Variants in NAA11 observed in about 807,000 individuals in gnomAD.
NAA11 encodes the protein N-alpha-acetyltransferase 11.
Under a neutral mutation model 16.1 loss-of-function variants are expected in NAA11, and 15 were observed. That is an observed-to-expected ratio of 0.93 (90% confidence interval 0.62 to 1.44). The LOEUF (loss-of-function observed/expected upper bound fraction) is 1.44, where lower values mean the gene tolerates loss of function less well. Among genes scored for constraint, NAA11 ranks in the 40% most tolerant of loss-of-function variants. NAA11 has a pLI of 0.00. For synonymous variants in NAA11, 122 were observed against 112.4 expected, an observed-to-expected ratio of 1.09 and a Z score of -0.54; for missense variants, 298 against 291.3, an observed-to-expected ratio of 1.02 and a Z score of -0.17.
intron 2 of NAA11, among the ~76,000 whole-genome samples, chr4:79,271,577 A>G (rs1412734491): frequency 6.6e-6 from 1 of 152,052 alleles, no homozygotes; most frequent in African/African-American, 2.4e-5. Flanking sequence ...AGGGGAAATA[A>G]TTCTTTTCAA....
chr4:79,188,382 G>A, the NAA11 span, among the ~76,000 whole-genome samples: 1 of 151,940 alleles, frequency 6.6e-6, no homozygotes, highest in Non-Finnish European at 1.5e-5. Flanking sequence ...TCGGGAGATC[G>A]AGACCATCCT....
the NAA11 span, among the ~76,000 whole-genome samples, chr4:79,196,955 C>CTAAAAAAA: frequency 1.2e-5 from 1 of 86,168 alleles, no homozygotes; most frequent in Non-Finnish European, 2.1e-5. Context: ...ATGAAAAAGA[C>CTAAAAAAA]AAAAAAAAAA....
the NAA11 span, among the ~76,000 whole-genome samples, chr4:79,181,653 A>G: frequency 6.6e-6 from 1 of 152,156 alleles, no homozygotes; most frequent in African/African-American, 2.4e-5. Flanking sequence ...TTAGTCTCTG[A>G]CCTTGTGCTG....
At chr4:79,321,149 C>T (rs1026039534) in intron 1 of NAA11, among the ~76,000 whole-genome samples, 1 of 152,332 alleles carries the variant, frequency 6.6e-6, no homozygotes, top group East Asian at 1.9e-4. Context: ...TGTAGACAAC[C>T]TCAGACAGCC....
the NAA11 span, among the ~76,000 whole-genome samples, chr4:79,200,832 G>GT: frequency 6.6e-6 from 1 of 151,392 alleles, no homozygotes; most frequent in Non-Finnish European, 1.5e-5. Context: ...ATGTTTCTGG[G>GT]TTTTTTTCCT....
chr4:79,290,194 C>T (rs1723047989), intron 2 of NAA11, among the ~76,000 whole-genome samples: 1 of 152,094 alleles, frequency 6.6e-6, no homozygotes, highest in Non-Finnish European at 1.5e-5. Context: ...AACCAGGAGC[C>T]TCTCTAGTGG....
At chr4:79,201,776 A>G in the NAA11 span, among the ~76,000 whole-genome samples, 2 of 151,800 alleles carry the variant, frequency 1.3e-5, no homozygotes, top group South Asian at 2.1e-4. Flanking sequence ...TACATAAAAT[A>G]AATAATGAAT....
chr4:79,190,702 G>T, the NAA11 span, among the ~76,000 whole-genome samples: 1 of 152,026 alleles, frequency 6.6e-6, no homozygotes, highest in Admixed American at 6.6e-5. Context: ...GAGGGTACAT[G>T]TGAAGATTTG....
At chr4:79,173,316 G>A in the NAA11 span, among the ~76,000 whole-genome samples, 1 of 152,078 alleles carries the variant, frequency 6.6e-6, no homozygotes, top group East Asian at 1.9e-4. Context: ...TTCTATATGA[G>A]CTAATAAAAG....
At chr4:79,178,596 C>A in the NAA11 span, among the ~76,000 whole-genome samples, 1 of 152,170 alleles carries the variant, frequency 6.6e-6, no homozygotes, top group African/African-American at 2.4e-5. Flanking sequence ...CTATGAATAT[C>A]ATTTTATATA....
At chr4:79,290,958 CAAG>C (rs1193996570) in intron 2 of NAA11, among the ~76,000 whole-genome samples, 1 of 151,724 alleles carries the variant, frequency 6.6e-6, no homozygotes. Context: ...TGTGGAAGTA[CAAG>C]AATACTGACA....
intron 1 of NAA11, among the ~76,000 whole-genome samples, chr4:79,320,406 T>C (rs1296852748): frequency 6.6e-6 from 1 of 152,224 alleles, no homozygotes; most frequent in African/African-American, 2.4e-5. Flanking sequence ...TTTTACTGTG[T>C]GTGAGGAGTT....
At chr4:79,163,956 A>G in the NAA11 span, among the ~76,000 whole-genome samples, 2 of 152,142 alleles carry the variant, frequency 1.3e-5, no homozygotes, top group South Asian at 2.1e-4. Flanking sequence ...CAGAGAGGCT[A>G]TGGTTCCTGA....
chr4:79,156,161 A>G, the NAA11 span, among the ~76,000 whole-genome samples: 18 of 152,176 alleles, frequency 1.2e-4, no homozygotes, highest in Non-Finnish European at 2.6e-4. Flanking sequence ...GTATATTTGT[A>G]GTAAAACCCA....
chr4:79,251,637 T>TAA (rs34614778), intron 2 of NAA11, among the ~76,000 whole-genome samples: 1 of 149,760 alleles, frequency 6.7e-6, no homozygotes, highest in East Asian at 1.9e-4. Context: ...AAAAGTGAAT[T>TAA]AAAAAAAAAA....
chr4:79,239,436 C>A (rs1654055940), intron 2 of NAA11, among the ~76,000 whole-genome samples: 1 of 152,156 alleles, frequency 6.6e-6, no homozygotes, highest in Non-Finnish European at 1.5e-5. Context: ...CACAGAGGCT[C>A]ACACCTGTAA....
the NAA11 span, among the ~76,000 whole-genome samples, chr4:79,196,769 G>A: frequency 1.3e-5 from 2 of 151,718 alleles, no homozygotes; most frequent in Non-Finnish European, 2.9e-5. Flanking sequence ...ATTTAAAATA[G>A]GGAGATTTTC....
At chr4:79,208,472 G>C in the NAA11 span, among the ~76,000 whole-genome samples, 7 of 152,118 alleles carry the variant, frequency 4.6e-5, no homozygotes, top group African/African-American at 1.7e-4. Flanking sequence ...GACTGAAATA[G>C]ATATACATGC....
At chr4:79,233,245 G>A (rs1285221691) in intron 2 of NAA11, among the ~76,000 whole-genome samples, 1 of 151,774 alleles carries the variant, frequency 6.6e-6, no homozygotes, top group Non-Finnish European at 1.5e-5. Flanking sequence ...CAGAATGACT[G>A]TACTGTCAAT....
Sources: allele counts gnomAD v4.1 joint callset (sites outside exome capture counted in the v4.1 genomes callset), GRCh38; gene constraint gnomAD v4.1.1; transcripts MANE v1.5; gene names NCBI Gene and HGNC (gene_info 2026-07-23, HGNC 2026-07-21).